CARD19: variants seen among roughly 807,000 people sequenced by gnomAD.
The protein encoded by CARD19 is caspase recruitment domain family member 19.
CARD19 carries 25 observed loss-of-function variants against 24.1 expected under a neutral mutation model. The observed-to-expected ratio is 1.04, with a 90% CI of 0.76 to 1.45. The LOEUF is 1.45. Among genes scored for constraint, CARD19 ranks in the 40% most tolerant of loss-of-function variants. CARD19 has a pLI of 0.00. For synonymous variants in CARD19, 103 were observed against 104.9 expected, an observed-to-expected ratio of 0.98 and a Z score of 0.11; for missense variants, 241 against 247.4, an observed-to-expected ratio of 0.97 and a Z score of 0.17.
chr9:93,110,420 G>T (rs1827422058), intron 2 of CARD19, 148 bp from the exon 3 acceptor site: 2 of 1,293,594 alleles, frequency 1.5e-6, no homozygotes, highest in African/African-American at 3.0e-5. Context: ...TGTGGGTAAG[G>T]GGCAGGTTGT....
At chr9:93,100,063 A>C (rs533650878) in intron 1 of CARD19, among the ~76,000 whole-genome samples, 1 of 152,224 alleles carries the variant, frequency 6.6e-6, no homozygotes, top group Admixed American at 6.5e-5. Context: ...CCAGCCCCGC[A>C]CAGGGCGAGC....
chr9:93,105,575 C>G (rs1270676033), intron 1 of CARD19, among the ~76,000 whole-genome samples: 1 of 152,206 alleles, frequency 6.6e-6, no homozygotes, highest in Non-Finnish European at 1.5e-5. Flanking sequence ...GCCACCATGC[C>G]TGGCCCCATT....
chr9:93,111,739 A>G (rs1827493472), intron 3 of CARD19, 140 bp from the exon 4 acceptor site: 1 of 1,479,330 alleles, frequency 6.8e-7, no homozygotes, highest in Admixed American at 2.2e-5. Flanking sequence ...TTCCCTGAGG[A>G]GGGCTAGCCT....
chr9:93,107,172 C>G (rs970525542), intron 1 of CARD19, among the ~76,000 whole-genome samples: 2 of 152,076 alleles, frequency 1.3e-5, no homozygotes, highest in African/African-American at 4.8e-5. Flanking sequence ...ATCTGCAGAG[C>G]GCACATCTGG....
chr9:93,104,856 C>T (rs1308133187), intron 1 of CARD19, among the ~76,000 whole-genome samples: 2 of 152,132 alleles, frequency 1.3e-5, no homozygotes, highest in Admixed American at 1.3e-4. Context: ...GTCAGTCTAG[C>T]TAGTTTTGTC....
intron 1 of CARD19, among the ~76,000 whole-genome samples, chr9:93,105,305 G>A (rs1249225777): frequency 2.0e-5 from 3 of 152,082 alleles, no homozygotes; most frequent in East Asian, 3.9e-4. Context: ...GTTTGAGACA[G>A]AGTCTTGCTC....
chr9:93,112,688 C>G (rs945222009), intron 5 of CARD19, among the ~76,000 whole-genome samples: 8 of 152,184 alleles, frequency 5.3e-5, no homozygotes. Context: ...CTACTGGCAC[C>G]CAGCCTGGCC....
At chr9:93,099,807 A>T (rs759286457) in intron 1 of CARD19, among the ~76,000 whole-genome samples, 5 of 152,142 alleles carry the variant, frequency 3.3e-5, no homozygotes, top group Non-Finnish European at 7.4e-5. Flanking sequence ...CAGCCTTTCC[A>T]GCCCCCAGCC....
chr9:93,113,143 C>A lies in CARD19; in HGVS notation c.*36C>A. On this transcript the variant is annotated 3_prime_UTR_variant, in exon 6 of 6. Transcript: ENST00000375464. Reference sequence around the variant, plus strand: ...ACCCAGGGCCTCACCTGCCACTCAACCAAAGAGTCCTCGAGCCGGCCCGCC... The same window carrying A: ...ACCCAGGGCCTCACCTGCCACTCAAACAAAGAGTCCTCGAGCCGGCCCGCC... 7.2e-7 allele frequency: 1 copy of A among 1,395,188 alleles called. No homozygotes were observed. Among genetic ancestry groups the A allele is most frequent in the Non-Finnish European group, 9.8e-7 (1 of 1,021,478 alleles). 86.4% of individuals were successfully genotyped at this position (1,395,188 alleles called of 1,614,324 possible). A position where few individuals can be genotyped will look rare whatever the true frequency, so the allele number is the denominator to read the frequency against.
At chr9:93,105,928 T>A (rs1827236157) in intron 1 of CARD19, among the ~76,000 whole-genome samples, 1 of 152,224 alleles carries the variant, frequency 6.6e-6, no homozygotes, top group Admixed American at 6.5e-5. Context: ...CCAAATATTA[T>A]TATAGAGATA....
At chr9:93,106,577 C>CAAAA (rs58551380) in intron 1 of CARD19, among the ~76,000 whole-genome samples, 1 of 135,128 alleles carries the variant, frequency 7.4e-6, no homozygotes, top group African/African-American at 2.7e-5. Context: ...CAAAAAAAAA[C>CAAAA]AAAAAAAAAA....
At chr9:93,106,425 A>AATAAAAT in intron 1 of CARD19, among the ~76,000 whole-genome samples, 2 of 150,612 alleles carry the variant, frequency 1.3e-5, no homozygotes, top group South Asian at 2.1e-4. Context: ...AAAAAAAAAA[A>AATAAAAT]AAAAATACAA....
In CARD19 at chr9:93,096,603, G is replaced by C. The variant is rs1439089577; in HGVS notation, c.7+251G>C. Among the ~76,000 whole-genome samples, 2 of 152,212 alleles carry C rather than the reference G, an allele frequency of 1.3e-5. No individual in the cohort carries two copies. The highest frequency in any genetic ancestry group is 2.9e-5 in the Non-Finnish European group (2 of 68,036). On this transcript the variant is annotated intron_variant, in intron 1 of 5. Transcript: ENST00000375464. This position sits in a 1 kb window ranked among gnomAD's most constrained non-coding sequence, Gnocchi z 5.4. ...GCATGATGGGTGGTGGCCAGGTGCGGGGCCCGAAGAGGGCGGGGGCTACAA... is the reference window on the plus strand; with the variant it reads ...GCATGATGGGTGGTGGCCAGGTGCGCGGCCCGAAGAGGGCGGGGGCTACAA...
At chr9:93,098,595 C>T (rs142493954) in intron 1 of CARD19, among the ~76,000 whole-genome samples, 8 of 152,336 alleles carry the variant, frequency 5.3e-5, no homozygotes, top group South Asian at 2.1e-4. Flanking sequence ...ACTTGTTTAT[C>T]GGGAGCTGGC....
chr9:93,096,251 G>A lies in CARD19; in HGVS notation c.-95G>A, dbSNP rs1826851550. 3.3e-6 allele frequency: 4 copies of A among 1,195,498 alleles called. No homozygotes were observed. Among genetic ancestry groups the A allele is most frequent in the Non-Finnish European group, 4.2e-6 (4 of 957,784 alleles). The allele number at this position is 1,195,498 out of a possible 1,614,324, so 74.1% of individuals were successfully genotyped here. A position where few individuals can be genotyped will look rare whatever the true frequency, so the allele number is the denominator to read the frequency against. ...CGGGCGAGCACGGCCCGCGGGCGGC[G>A]TTCGCTGGAGCTGGTGGACCGGGCG... On this transcript the variant is annotated 5_prime_UTR_variant, in exon 1 of 6. Coordinates refer to ENST00000375464, the MANE Select transcript of CARD19 (RefSeq NM_032310.5). This position sits in a 1 kb window ranked among gnomAD's most constrained non-coding sequence, Gnocchi z 5.4.
intron 1 of CARD19, among the ~76,000 whole-genome samples, chr9:93,106,491 C>G (rs1275569778): frequency 6.6e-6 from 1 of 150,620 alleles, no homozygotes; most frequent in African/African-American, 2.4e-5. Flanking sequence ...TTGCTTGAAC[C>G]CAGGAGGCAG....
At chr9:93,101,983 A>G (rs1269127426) in intron 1 of CARD19, among the ~76,000 whole-genome samples, 2 of 142,626 alleles carry the variant, frequency 1.4e-5, no homozygotes, top group Non-Finnish European at 3.0e-5. Context: ...TTAATTTGAG[A>G]CCAAGTCTCG....
intron 2 of CARD19, 190 bp from the exon 3 acceptor site, chr9:93,110,378 C>G: frequency 1.1e-6 from 1 of 885,572 alleles, no homozygotes. Flanking sequence ...GCAGTGATGC[C>G]TGTGACAGAG....
Position 93,113,143 on chromosome 9 carries a change from C to T in CARD19, c.*36C>T. Reference sequence around the variant, plus strand: ...ACCCAGGGCCTCACCTGCCACTCAACCAAAGAGTCCTCGAGCCGGCCCGCC... The same window carrying T: ...ACCCAGGGCCTCACCTGCCACTCAATCAAAGAGTCCTCGAGCCGGCCCGCC... On this transcript the variant is annotated 3_prime_UTR_variant, in exon 6 of 6. Coordinates refer to ENST00000375464, the MANE Select transcript of CARD19 (RefSeq NM_032310.5). 1 of 1,395,192 alleles carries T rather than the reference C, an allele frequency of 7.2e-7. No individual in the cohort carries two copies. Among genetic ancestry groups the T allele is most frequent in the Non-Finnish European group, 9.8e-7 (1 of 1,021,482 alleles). 86.4% of individuals were successfully genotyped at this position (1,395,192 alleles called of 1,614,324 possible). A position where few individuals can be genotyped will look rare whatever the true frequency, so the allele number is the denominator to read the frequency against.
Sources: allele counts gnomAD v4.1 joint callset (sites outside exome capture counted in the v4.1 genomes callset), GRCh38; gene constraint gnomAD v4.1.1; non-coding constraint Gnocchi (gnomAD v3.1); transcripts MANE v1.5; gene names NCBI Gene and HGNC (gene_info 2026-07-23, HGNC 2026-07-21).